The following FAF1 variants were observed in gnomAD, a reference collection of about 807,000 sequenced individuals.
The protein encoded by FAF1 is FAS-associated factor 1.
In FAF1, 25 loss-of-function variants were observed where a neutral mutation model predicts 92.5. The observed-to-expected ratio is 0.27, with a 90% CI of 0.20 to 0.38. The LOEUF is 0.38. FAF1 is among the 10% of genes least tolerant of loss of function. FAF1 has a pLI of 1.00. For missense variants in FAF1, 636 were observed against 793.3 expected (o/e 0.80, Z 2.38); for synonymous variants, 234 against 273.2 (o/e 0.86, Z 1.42).
intron 1 of FAF1, among the ~76,000 whole-genome samples, chr1:50,874,239 G>T (rs1644551658): frequency 6.6e-6 from 1 of 152,068 alleles, no homozygotes; most frequent in African/African-American, 2.4e-5. Context: ...CCATTTGAAA[G>T]TCTATTGTTT....
At chr1:50,850,333 A>T (rs1249091836) in intron 2 of FAF1, among the ~76,000 whole-genome samples, 1 of 152,192 alleles carries the variant, frequency 6.6e-6, no homozygotes, top group African/African-American at 2.4e-5. Context: ...TAGAACTTTC[A>T]ACATTAAGCT....
rs896466807 is a variant in FAF1 at position 50,440,229 on chromosome 1, A to G, written c.*1211T>C. On this transcript the variant is annotated 3_prime_UTR_variant, in exon 19 of 19. Transcript: ENST00000396153. ...AATAAATCATTGGCTGTGAAGGTAT[A>G]AACGGTGTTCTCATGATCTAAACCC... is the stretch of plus-strand genomic sequence containing the variant. 1.3e-5 allele frequency: 2 copies of G among 152,236 alleles called. No homozygotes were observed. The highest frequency in any genetic ancestry group is 2.9e-5 in the Non-Finnish European group (2 of 68,034). The allele number at this position is 152,236 out of a possible 1,614,324, so 9.4% of individuals were successfully genotyped here.
At chr1:50,503,123 G>A (rs1647012728) in intron 15 of FAF1, among the ~76,000 whole-genome samples, 2 of 152,086 alleles carry the variant, frequency 1.3e-5, no homozygotes, top group African/African-American at 4.8e-5. Context: ...ACAGGTATGA[G>A]CCACTGCACC....
chr1:50,939,908 T>A (rs181079262), intron 1 of FAF1, among the ~76,000 whole-genome samples: 2 of 152,304 alleles, frequency 1.3e-5, no homozygotes, highest in African/African-American at 2.4e-5. Flanking sequence ...AGTACTTTTT[T>A]ATTTTCTTGT....
At chr1:50,860,147 A>G (rs545263065) in intron 1 of FAF1, among the ~76,000 whole-genome samples, 1 of 152,140 alleles carries the variant, frequency 6.6e-6, no homozygotes, top group Admixed American at 6.6e-5. Context: ...TCAAACTATA[A>G]GAATCTAGAA....
intron 7 of FAF1, among the ~76,000 whole-genome samples, chr1:50,688,243 C>A (rs951573745): frequency 2.6e-5 from 4 of 152,040 alleles, no homozygotes; most frequent in Non-Finnish European, 5.9e-5. Flanking sequence ...TTCTGCATTG[C>A]TGGAGGAAAT....
In FAF1 at chr1:50,746,274, ATATATATATATATATATATTTT is replaced by A. The variant is rs1346666442; in HGVS notation, c.368-1521_368-1500del. ...TATATATATATATATATATATATAT[ATATATATATATATATATATTTT>A]TTTTTTTTTTTTTTTTTTTTTTTTG... On this transcript the variant is annotated intron_variant, in intron 4 of 18. Transcript: ENST00000396153. Among the ~76,000 whole-genome samples, 22 of 18,220 alleles carry A rather than the reference ATATATATATATATATATATTTT, an allele frequency of 1.2e-3. No homozygotes were observed. In the East Asian group the frequency reaches 0.021, roughly 17 times the overall value. The allele number at this position is 18,220 out of a possible 152,430, so 12.0% of individuals were successfully genotyped here. A position where few individuals can be genotyped will look rare whatever the true frequency, so the allele number is the denominator to read the frequency against.
chr1:50,545,522 G>C (rs957028944), intron 13 of FAF1, among the ~76,000 whole-genome samples: 1 of 151,724 alleles, frequency 6.6e-6, no homozygotes, highest in Non-Finnish European at 1.5e-5. Flanking sequence ...ACCTGCCTTG[G>C]CCTCCCAAAG....
intron 2 of FAF1, among the ~76,000 whole-genome samples, chr1:50,826,844 T>C (rs1240306087): frequency 1.3e-5 from 2 of 152,196 alleles, no homozygotes. Context: ...AAATCTTTAA[T>C]TAAAAACCTT....
At chr1:50,497,642 C>T (rs1262555784) in intron 15 of FAF1, among the ~76,000 whole-genome samples, 1 of 148,212 alleles carries the variant, frequency 6.7e-6, no homozygotes, top group African/African-American at 2.5e-5. Flanking sequence ...TCCACCCCCC[C>T]AGGTTTAAGC....
chr1:50,506,732 A>T (rs1647063536), intron 15 of FAF1, among the ~76,000 whole-genome samples: 1 of 152,174 alleles, frequency 6.6e-6, no homozygotes, highest in African/African-American at 2.4e-5. Context: ...ATTATTTTAC[A>T]CATTATTATC....
intron 12 of FAF1, among the ~76,000 whole-genome samples, chr1:50,581,289 C>T (rs1274107805): frequency 6.6e-6 from 1 of 152,078 alleles, no homozygotes; most frequent in Non-Finnish European, 1.5e-5. Flanking sequence ...TTTGATTAAT[C>T]ATCTTGGAAT....
chr1:50,529,778 C>A (rs1648043107), intron 15 of FAF1, among the ~76,000 whole-genome samples: 1 of 152,118 alleles, frequency 6.6e-6, no homozygotes. Flanking sequence ...GGGTTGTAAG[C>A]CTAAGGACCT....
chr1:50,915,345 G>GAGATGGA (rs1200040631), intron 1 of FAF1, among the ~76,000 whole-genome samples: 1 of 150,374 alleles, frequency 6.7e-6, no homozygotes, highest in Non-Finnish European at 1.5e-5. Context: ...ACTCCAGCCT[G>GAGATGGA]GGCAACAAGA....
At chr1:50,881,524 A>C (rs374063167) in intron 1 of FAF1, among the ~76,000 whole-genome samples, 9 of 152,160 alleles carry the variant, frequency 5.9e-5, no homozygotes, top group East Asian at 3.8e-4. Context: ...CACACTACCA[A>C]AAGAAGGAAC....
intron 15 of FAF1, among the ~76,000 whole-genome samples, chr1:50,511,434 T>A (rs1221653696): frequency 6.6e-6 from 1 of 152,010 alleles, no homozygotes; most frequent in Non-Finnish European, 1.5e-5. Context: ...TGTGTGATAT[T>A]CCCCTCCCTG....
At chr1:50,510,635 G>C (rs1647123088) in intron 15 of FAF1, among the ~76,000 whole-genome samples, 1 of 152,134 alleles carries the variant, frequency 6.6e-6, no homozygotes. Context: ...CTTAACCACG[G>C]ATTATGCACC....
chr1:50,885,210 A>G (rs1237713380), intron 1 of FAF1, among the ~76,000 whole-genome samples: 1 of 152,058 alleles, frequency 6.6e-6, no homozygotes, highest in African/African-American at 2.4e-5. Context: ...TTTCAAAAAA[A>G]CCAACTTTGC....
intron 17 of FAF1, among the ~76,000 whole-genome samples, chr1:50,485,696 A>AAAAAAAAAAAAAAAAAAAAAAAC (rs1557964489): frequency 7.1e-6 from 1 of 141,414 alleles, no homozygotes; most frequent in Non-Finnish European, 1.5e-5. Context: ...AAAAAAAAAA[A>AAAAAAAAAAAAAAAAAAAAAAAC]CCAAAAAAAC....
Sources: allele counts gnomAD v4.1 joint callset (sites outside exome capture counted in the v4.1 genomes callset), GRCh38; gene constraint gnomAD v4.1.1; transcripts MANE v1.5; gene names NCBI Gene and HGNC (gene_info 2026-07-23, HGNC 2026-07-21).